Variants in PDXDC1 observed in about 807,000 individuals in gnomAD.
The protein encoded by PDXDC1 is pyridoxal dependent decarboxylase domain containing 1.
Under a neutral mutation model 100.1 loss-of-function variants are expected in PDXDC1, and 42 were observed. That is an observed-to-expected ratio of 0.42 (90% CI 0.33 to 0.54). The LOEUF (loss-of-function observed/expected upper bound fraction) is 0.54. Ranked by LOEUF, PDXDC1 falls within the 20% of genes least tolerant of loss-of-function variation. PDXDC1 has a pLI of 0.10. For missense variants in PDXDC1, 636 were observed against 979.2 expected, an observed-to-expected ratio of 0.65 and a Z score of 4.68; for synonymous variants, 260 against 371.7, an observed-to-expected ratio of 0.70 and a Z score of 3.46.
intron 16 of PDXDC1, chr16:15,047,285 G>T (rs555107612): frequency 3.2e-6 from 2 of 623,532 alleles, no homozygotes; most frequent in Non-Finnish European, 5.8e-6. Context: ...AACCACTGCT[G>T]ACGCAGTGCC....
chr16:15,141,902 C>T (rs554884153), downstream of PDXDC1, among the ~76,000 whole-genome samples: 6 of 152,178 alleles, frequency 3.9e-5, no homozygotes, highest in East Asian at 1.9e-4. Context: ...TGAGGAGGGA[C>T]TTTTCAGCGG....
At chr16:14,990,032 CGCCCGCT>C (rs1188115243) in intron 1 of PDXDC1, 1 of 1,475,882 alleles carries the variant, frequency 6.8e-7, no homozygotes, top group Non-Finnish European at 8.9e-7. Context: ...GGCCGCCCGC[CGCCCGCT>C]GCGCGCCGGA....
chr16:15,102,637 C>G (rs1433351466), intron 16 of PDXDC1, among the ~76,000 whole-genome samples: 1 of 150,750 alleles, frequency 6.6e-6, no homozygotes, highest in African/African-American at 2.5e-5. Flanking sequence ...TTACCCAAGA[C>G]GGGGATTTTC....
chr16:14,975,850 G>C lies in PDXDC1; in HGVS notation c.21+630G>C, dbSNP rs1301090674. Among the ~76,000 whole-genome samples the C allele has an allele frequency of 2.6e-5, 4 of 152,420 alleles. No individual in the cohort carries two copies. In the East Asian group the frequency reaches 7.7e-4, roughly 29 times the overall value. ...CAGGTGATTCTGATGCTGAGCCTGC[G>C]ATCACCGGGCGAGAACCTCTGAGTT... On this transcript the variant is annotated intron_variant, in intron 1 of 22. Transcript: ENST00000396410.
At chr16:15,058,716 G>A (rs2044612357) in intron 16 of PDXDC1, among the ~76,000 whole-genome samples, 2 of 152,188 alleles carry the variant, frequency 1.3e-5, no homozygotes, top group Admixed American at 6.5e-5. Context: ...GGGTGACAGA[G>A]TGAGACTCTT....
intron 1 of PDXDC1, among the ~76,000 whole-genome samples, chr16:14,991,526 AT>A (rs1168644641): frequency 5.0e-3 from 677 of 136,262 alleles, no homozygotes; most frequent in African/African-American, 8.6e-3. Flanking sequence ...TATTTTGTCT[AT>A]TTTTTTTTTT....
intron 14 of PDXDC1, among the ~76,000 whole-genome samples, chr16:15,026,992 C>G (rs1484018290): frequency 6.6e-6 from 1 of 152,020 alleles, no homozygotes; most frequent in Non-Finnish European, 1.5e-5. Flanking sequence ...GGTCTTACTT[C>G]CCACATATTT....
intron 1 of PDXDC1, among the ~76,000 whole-genome samples, chr16:14,988,077 C>T (rs141621211): frequency 0.061 from 9,143 of 149,656 alleles, 188 homozygotes; most frequent in Admixed American, 0.14. Flanking sequence ...TCCCTCCCCA[C>T]GTGACACTCA....
At chr16:15,079,943 T>G (rs1169288748) in intron 16 of PDXDC1, 1 of 1,496,754 alleles carries the variant, frequency 6.7e-7, no homozygotes, top group African/African-American at 1.4e-5. Context: ...CATACTGTGA[T>G]TATAACAAAT....
chr16:15,145,609 G>A, the PDXDC1 span, among the ~76,000 whole-genome samples: 1 of 152,254 alleles, frequency 6.6e-6, no homozygotes, highest in Non-Finnish European at 1.5e-5. Context: ...AAAGGACCCA[G>A]CCCGCCTCAG....
In PDXDC1 at chr16:15,036,356, ATACT is replaced by A. The variant is rs2043454138; in HGVS notation, c.*82_*85del. 2 of 1,272,870 alleles carry A rather than the reference ATACT, an allele frequency of 1.6e-6. No individual in the cohort carries two copies. The highest frequency in any genetic ancestry group is 2.2e-6 in the Non-Finnish European group (2 of 907,534). The allele number at this position is 1,272,870 out of a possible 1,614,324, so 78.8% of individuals were successfully genotyped here. A position where few individuals can be genotyped will look rare whatever the true frequency, so the allele number is the denominator to read the frequency against. On this transcript the variant is annotated 3_prime_UTR_variant, in exon 23 of 23. Transcript: ENST00000396410. ...CTATTGGAAATGTGAACTGTGCCAC[ATACT>A]AATATAAATTACTGTTGTTTGTGCT...
chr16:15,143,330 T>C (rs543514099), downstream of PDXDC1, among the ~76,000 whole-genome samples: 10 of 152,196 alleles, frequency 6.6e-5, no homozygotes, highest in Non-Finnish European at 1.3e-4. Context: ...CAGCAGAGGG[T>C]GTGGCCAGGC....
chr16:15,076,744 A>C (rs976946412), intron 16 of PDXDC1: 1 of 860,678 alleles, frequency 1.2e-6, no homozygotes, highest in Non-Finnish European at 1.9e-6. Context: ...ACGCATGTTC[A>C]AGGTGTCCAG....
intron 22 of PDXDC1, 28 bp from the exon 23 acceptor site, chr16:15,035,988 C>T (rs1597717640): frequency 1.9e-6 from 3 of 1,587,996 alleles, no homozygotes; most frequent in Non-Finnish European, 2.6e-6. Context: ...CACTGAGTTT[C>T]AGCGCAGTCT....
rs563285006 is a variant in PDXDC1, at chr16:15,033,827, C to T, written c.1812+428C>T. 3.3e-5 allele frequency among the ~76,000 whole-genome samples: 5 copies of T among 152,318 alleles called. No individual in the cohort carries two copies. In the South Asian group the frequency reaches 1.0e-3, roughly 32 times the overall value. On this transcript the variant is annotated intron_variant, in intron 19 of 22. Coordinates refer to ENST00000396410, the MANE Select transcript of PDXDC1 (RefSeq NM_015027.4). ...CTTCCCACCAGGAATAGACCTACTG[C>T]TGTGGGTCCCTTAGCATGGAGGACC... is the stretch of plus-strand genomic sequence containing the variant.
chr16:14,989,164 C>T, intron 1 of PDXDC1: 2 of 1,614,194 alleles, frequency 1.2e-6, no homozygotes, highest in Non-Finnish European at 1.7e-6. Context: ...AGCTGGTGGT[C>T]TTGAAGCAGC....
intron 15 of PDXDC1, 198 bp from the exon 16 acceptor site, chr16:15,029,753 A>G: frequency 1.7e-6 from 1 of 574,010 alleles, no homozygotes; most frequent in Non-Finnish European, 3.1e-6. Flanking sequence ...AAATTTTTCT[A>G]CAATGAACTT....
chr16:15,066,231 G>T (rs2044965852), intron 16 of PDXDC1, among the ~76,000 whole-genome samples: 1 of 152,120 alleles, frequency 6.6e-6, no homozygotes, highest in Non-Finnish European at 1.5e-5. Context: ...GCACTATCAG[G>T]TAAAGTTGAA....
intron 4 of PDXDC1, among the ~76,000 whole-genome samples, chr16:15,003,854 C>T (rs62038559): frequency 0.25 from 36,636 of 145,672 alleles, 1,912 homozygotes; most frequent in East Asian, 0.45. Context: ...CTTGGTGGTG[C>T]GCGCCTGTAA....
Sources: allele counts gnomAD v4.1 joint callset (sites outside exome capture counted in the v4.1 genomes callset), GRCh38; gene constraint gnomAD v4.1.1; transcripts MANE v1.5; gene names NCBI Gene and HGNC (gene_info 2026-07-23, HGNC 2026-07-21).